The following SCN7A variants were observed in gnomAD, a reference collection of about 807,000 sequenced individuals.
SCN7A encodes sodium voltage-gated channel alpha subunit 7.
SCN7A carries 138 observed loss-of-function variants against 155.2 expected under a neutral mutation model. The ratio of observed to expected loss-of-function variants is 0.89; its 90% CI spans 0.77 to 1.02. The LOEUF is 1.02. Among genes scored for constraint, SCN7A ranks in the 50% least tolerant of loss-of-function variants. SCN7A has a pLI of 0.00. For missense variants in SCN7A, 2,058 were observed against 1,986.6 expected (o/e 1.04, Z -0.68); for synonymous variants, 693 against 649.0 (o/e 1.07, Z -1.03).
intron 11 of SCN7A, among the ~76,000 whole-genome samples, chr2:166,449,136 C>T (rs995563242): frequency 6.6e-6 from 1 of 152,134 alleles, no homozygotes; most frequent in African/African-American, 2.4e-5. Context: ...AAATTCTATG[C>T]ATTGATAACT....
chr2:166,420,114 C>T (rs905090321), intron 20 of SCN7A, among the ~76,000 whole-genome samples: 1 of 151,762 alleles, frequency 6.6e-6, no homozygotes, highest in African/African-American at 2.4e-5. Context: ...ATTAAAATTT[C>T]TGAAATTATT....
chr2:166,430,515 T>G (rs980859936), intron 16 of SCN7A, among the ~76,000 whole-genome samples: 1 of 151,736 alleles, frequency 6.6e-6, no homozygotes, highest in Admixed American at 6.6e-5. Flanking sequence ...TTTTAAAGAG[T>G]TGTAAAAAGC....
chr2:166,443,919 G>A (rs1181419210), intron 13 of SCN7A, among the ~76,000 whole-genome samples: 3 of 152,036 alleles, frequency 2.0e-5, no homozygotes, highest in African/African-American at 4.8e-5. Flanking sequence ...ATTGATCCTC[G>A]AAGAAAACAA....
chr2:166,428,057 T>A, intron 17 of SCN7A, 115 bp from the exon 18 acceptor site: 1 of 1,052,060 alleles, frequency 9.5e-7, no homozygotes, highest in South Asian at 1.6e-5. Context: ...CTAATCCAGG[T>A]TGTCTCTGAT....
chr2:166,490,505 G>A (rs539721667), intron 1 of SCN7A, among the ~76,000 whole-genome samples: 3 of 152,262 alleles, frequency 2.0e-5, no homozygotes, highest in East Asian at 3.9e-4. Flanking sequence ...TTATTTACAA[G>A]AGCCAAGATA....
chr2:166,424,424 G>C (rs779988197), intron 18 of SCN7A, among the ~76,000 whole-genome samples: 1 of 152,042 alleles, frequency 6.6e-6, no homozygotes, highest in Non-Finnish European at 1.5e-5. Flanking sequence ...GTTTTTAAAG[G>C]CATCACAGAG....
In SCN7A at chr2:166,409,708, C is replaced by G. The variant is rs35864629; in HGVS notation, c.3939G>C (p.Ala1313=). Residue 1313 remains alanine (A), a synonymous_variant, in exon 25 of 26, where the codon GCG becomes GCC. Transcript: ENST00000643258. ...IAFRCFYFTI[A]WNIFDFMVVI... ...CCACCATAAAATCAAAAATGTTCCA[C>G]GCAATGGTGAAATAAAAACAACGGA... The G allele has an allele frequency of 6.5e-7, 1 of 1,539,610 alleles. No homozygotes were observed. Among genetic ancestry groups the G allele is most frequent in the Non-Finnish European group, 8.7e-7 (1 of 1,143,018 alleles).
rs1283353813 is a variant in SCN7A at position 166,439,053 on chromosome 2, G to GTATATATATATATA, written c.2157+2342_2157+2343insTATATATATATATA. Among the ~76,000 whole-genome samples the GTATATATATATATA allele has an allele frequency of 5.7e-3, 488 of 85,952 alleles. 5 individuals are homozygous for GTATATATATATATA. The highest frequency in any genetic ancestry group is 0.025 in the African/African-American group (464 of 18,432). The allele number at this position is 85,952 out of a possible 152,430, so 56.4% of individuals were successfully genotyped here. Reference sequence around the variant, plus strand: ...CACACATACATATATGTGTGTGTGTGTGTATATATATATATATATATATAT... The same window carrying GTATATATATATATA: ...CACACATACATATATGTGTGTGTGTGTATATATATATATATGTATATATATATATATATATATAT... On this transcript the variant is annotated intron_variant, in intron 15 of 25. Transcript: ENST00000643258.
intron 16 of SCN7A, among the ~76,000 whole-genome samples, chr2:166,432,008 T>A (rs6707404): frequency 6.6e-6 from 1 of 152,100 alleles, no homozygotes; most frequent in African/African-American, 2.4e-5. Context: ...TTATAGAATG[T>A]CACAATTATA....
At chr2:166,469,053 T>C (rs1004784057) in intron 7 of SCN7A, among the ~76,000 whole-genome samples, 9 of 151,352 alleles carry the variant, frequency 5.9e-5, no homozygotes, top group Non-Finnish European at 8.9e-5. Context: ...AGGGTCTTTT[T>C]CCAGTTAAAA....
intron 11 of SCN7A, among the ~76,000 whole-genome samples, chr2:166,448,682 G>C (rs1208219865): frequency 6.6e-6 from 1 of 152,032 alleles, no homozygotes; most frequent in Admixed American, 6.6e-5. Context: ...TGAGGTCTGA[G>C]GTCAAATACA....
At chr2:166,414,881 TA>T (rs1701331474) in intron 21 of SCN7A, among the ~76,000 whole-genome samples, 3 of 75,884 alleles carry the variant, frequency 4.0e-5, no homozygotes, top group African/African-American at 1.6e-4. Context: ...TTATATAGGA[TA>T]ATATATAATA....
chr2:166,450,799 G>T (rs1702161777), intron 11 of SCN7A, among the ~76,000 whole-genome samples: 1 of 152,000 alleles, frequency 6.6e-6, no homozygotes, highest in Non-Finnish European at 1.5e-5. Flanking sequence ...TCTCAAAAAA[G>T]TTCAGGATGT....
chr2:166,439,656 G>GT (rs1174239416), intron 15 of SCN7A, among the ~76,000 whole-genome samples: 18 of 152,242 alleles, frequency 1.2e-4, no homozygotes, highest in South Asian at 2.1e-4. Flanking sequence ...TTAGAGTGGT[G>GT]TTTTTTATCA....
intron 3 of SCN7A, 23 bp from the exon 4 acceptor site, chr2:166,474,367 G>T: frequency 1.8e-6 from 2 of 1,130,830 alleles, no homozygotes; most frequent in Non-Finnish European, 2.5e-6. Context: ...AAGCGATCAA[G>T]TGAAATTAGA....
chr2:166,437,356 A>G (rs1236112849), intron 15 of SCN7A, among the ~76,000 whole-genome samples: 1 of 152,212 alleles, frequency 6.6e-6, no homozygotes, highest in Non-Finnish European at 1.5e-5. Context: ...AGATTTGGGA[A>G]TCTCCACCAA....
At chr2:166,468,423 T>G (rs1454649670) in intron 7 of SCN7A, among the ~76,000 whole-genome samples, 1 of 152,038 alleles carries the variant, frequency 6.6e-6, no homozygotes, top group Non-Finnish European at 1.5e-5. Context: ...TAAATTGGAT[T>G]TCAAAATAAA....
chr2:166,492,821 C>A (rs755934024), intron 1 of SCN7A, among the ~76,000 whole-genome samples: 17 of 152,180 alleles, frequency 1.1e-4, no homozygotes, highest in Admixed American at 7.9e-4. Context: ...TTTATATCAT[C>A]TCTGTCAATT....
intron 15 of SCN7A, among the ~76,000 whole-genome samples, chr2:166,440,267 T>C (rs562847836): frequency 6.6e-6 from 1 of 152,322 alleles, no homozygotes; most frequent in East Asian, 1.9e-4. Context: ...ATTCTAGGCA[T>C]CAGCATATTT....
Sources: gnomAD v4.1 joint callset for allele counts (sites outside exome capture counted in the v4.1 genomes callset) on GRCh38, gnomAD v4.1.1 for gene constraint, MANE v1.5 for transcripts, NCBI Gene and HGNC (gene_info 2026-07-23, HGNC 2026-07-21) for gene names.